CELF3: variants seen among roughly 807,000 people sequenced by gnomAD.
CELF3 encodes CAG repeat domain.
Under a neutral mutation model 59.6 loss-of-function variants are expected in CELF3, and 26 were observed. The observed-to-expected ratio is 0.44, with a 90% CI of 0.32 to 0.61. The LOEUF (loss-of-function observed/expected upper bound fraction) is 0.61, where lower values mean the gene tolerates loss of function less well. Ranked by LOEUF, CELF3 falls within the 20% of genes least tolerant of loss-of-function variation. The pLI is 0.06. For missense variants in CELF3, 387 were observed against 627.2 expected, an observed-to-expected ratio of 0.62 and a Z score of 4.09; for synonymous variants, 245 against 250.7, an observed-to-expected ratio of 0.98 and a Z score of 0.22.
chr1:151,703,780 G>C (rs1672276109), intron 12 of CELF3, among the ~76,000 whole-genome samples: 1 of 145,386 alleles, frequency 6.9e-6, no homozygotes, highest in South Asian at 2.1e-4. Context: ...GAAATCGAGA[G>C]AGAGACAGAG....
At position 151,700,770 on chromosome 1, in the gene CELF3, A is replaced by G. The variant is rs747800686; in HGVS notation, c.*2689T>C. ...ACCATTGAGTTTATGCGAAAGTACT[A>G]AAAACTCTTGAGGTTTTCTGTCTAT... On this transcript the variant is annotated 3_prime_UTR_variant, in exon 13 of 13. Coordinates refer to ENST00000290583, the MANE Select transcript of CELF3 (RefSeq NM_007185.7). Among the ~76,000 whole-genome samples the G allele has an allele frequency of 4.6e-5, 7 of 152,246 alleles. No homozygotes were observed. The highest frequency in any genetic ancestry group is 1.0e-4 in the Non-Finnish European group (7 of 68,038).
intron 2 of CELF3, among the ~76,000 whole-genome samples, chr1:151,712,940 A>C (rs558339138): frequency 2.6e-4 from 39 of 152,098 alleles, no homozygotes; most frequent in Admixed American, 5.2e-4. Context: ...CACACACTGC[A>C]TGCACACACA....
In CELF3 at chr1:151,701,660, T is replaced by C. The variant is rs190619283; in HGVS notation, c.*1799A>G. On this transcript the variant is annotated 3_prime_UTR_variant, in exon 13 of 13. Coordinates refer to ENST00000290583, the MANE Select transcript of CELF3 (RefSeq NM_007185.7). ...TGGGCGTGGTGGCTCATGCCTGTAATCTGAGCACTTCGGGAGGCCAAGGCA... is the reference window on the plus strand; with the variant it reads ...TGGGCGTGGTGGCTCATGCCTGTAACCTGAGCACTTCGGGAGGCCAAGGCA... Among the ~76,000 whole-genome samples the C allele has an allele frequency of 1.8e-3, 280 of 151,980 alleles. 1 individual carries two copies. The highest frequency in any genetic ancestry group is 6.5e-3 in the African/African-American group (269 of 41,450).
At chr1:151,711,647 C>T (rs1269508727) in intron 2 of CELF3, among the ~76,000 whole-genome samples, 2 of 152,232 alleles carry the variant, frequency 1.3e-5, no homozygotes, top group African/African-American at 4.8e-5. Flanking sequence ...GCTCAGGGTG[C>T]ATGGGCTTTC....
rs1672860543 is a variant in CELF3 at position 151,709,730 on chromosome 1, G to A, written c.277+13C>T. ...GGGAGGAGAGGGACAGAGTCCAAAG[G>A]CACAGAACCTACCTCCTCGGCTCTC... On this transcript the variant is annotated intron_variant, in intron 3 of 12. Transcript: ENST00000290583. The surrounding 1 kb of genome is among the most constrained non-coding windows in gnomAD (Gnocchi z 4.9). 6.2e-7 allele frequency: 1 copy of A among 1,613,632 alleles called. No individual in the cohort carries two copies. The highest frequency in any genetic ancestry group is 1.3e-5 in the African/African-American group (1 of 74,908).
At chr1:151,703,704 C>A (rs1357443972) in intron 12 of CELF3, among the ~76,000 whole-genome samples, 2 of 151,868 alleles carry the variant, frequency 1.3e-5, no homozygotes, top group Non-Finnish European at 2.9e-5. Flanking sequence ...AAATAGATAG[C>A]CCATGAGAAA....
intron 2 of CELF3, among the ~76,000 whole-genome samples, chr1:151,711,624 C>A (rs576067366): frequency 1.3e-5 from 2 of 152,230 alleles, no homozygotes; most frequent in African/African-American, 4.8e-5. Flanking sequence ...CAAAGCGTGT[C>A]GTGGGGGCAG....
intron 1 of CELF3, chr1:151,715,588 T>C (rs1413519849): frequency 7.1e-7 from 1 of 1,401,886 alleles, no homozygotes; most frequent in Non-Finnish European, 9.4e-7. Context: ...CCTCCATTCT[T>C]TCTTGAGTTC....
Position 151,705,804 on chromosome 1 carries a change from G to C in CELF3, c.1270+18C>G. On this transcript the variant is annotated intron_variant, in intron 11 of 12. Transcript: ENST00000290583. The surrounding 1 kb of genome is among the most constrained non-coding windows in gnomAD (Gnocchi z 5.1). Reference sequence around the variant, plus strand: ...TGATTTGGAGTATGGCAAAAAATGTGCCATATCATATTCTTACCAAAACAT... The same window carrying C: ...TGATTTGGAGTATGGCAAAAAATGTCCCATATCATATTCTTACCAAAACAT... The C allele has an allele frequency of 6.2e-7, 1 of 1,612,980 alleles. No individual in the cohort carries two copies. The highest frequency in any genetic ancestry group is 1.7e-4 in the Middle Eastern group (1 of 6,056).
chr1:151,715,720 G>C (rs1418366900), intron 1 of CELF3, 156 bp downstream of exon 1: 6 of 1,570,590 alleles, frequency 3.8e-6, no homozygotes, highest in Non-Finnish European at 5.1e-6. Context: ...CACTCTAGCT[G>C]AGTTCTTTTT....
At chr1:151,708,096 A>G (rs1672726423) in intron 5 of CELF3, 161 bp from the exon 6 acceptor site, 2 of 707,096 alleles carry the variant, frequency 2.8e-6, no homozygotes, top group Non-Finnish European at 4.5e-6. Flanking sequence ...TATTAATCCC[A>G]CTCTCTCCCT....
chr1:151,707,399 T>C, intron 7 of CELF3, 105 bp from the exon 8 acceptor site: 1 of 1,541,122 alleles, frequency 6.5e-7, no homozygotes, highest in African/African-American at 1.4e-5. Context: ...CAGGCCTCTC[T>C]GACCCCTGAG....
intron 2 of CELF3, among the ~76,000 whole-genome samples, chr1:151,712,863 C>G (rs1484270031): frequency 6.6e-6 from 1 of 152,064 alleles, no homozygotes; most frequent in Non-Finnish European, 1.5e-5. Context: ...GTAGGAAGAA[C>G]AGTTATGCAG....
At chr1:151,710,876 T>C (rs1364532853) in intron 2 of CELF3, 2 of 456,050 alleles carry the variant, frequency 4.4e-6, no homozygotes, top group South Asian at 1.5e-5. Context: ...GGGAGTATTA[T>C]AGGAACTGGA....
At position 151,706,348 on chromosome 1, in the gene CELF3, T is replaced by C. The variant is rs1488707326; in HGVS notation, c.1002A>G (p.Ala334=). 6.5e-7 allele frequency: 1 copy of C among 1,549,938 alleles called. No homozygotes were observed. Among genetic ancestry groups the C allele is most frequent in the African/African-American group, 1.4e-5 (1 of 72,994 alleles). Reference sequence around the variant, plus strand: ...ACGCAGGTGCAACCAGGCTGTAGGCTGCTGGGTAGGCTGCTGGGGTGGGGA... The same window carrying C: ...ACGCAGGTGCAACCAGGCTGTAGGCCGCTGGGTAGGCTGCTGGGGTGGGGA... ...GMQHYTAAYP[A]AYSLVAPAFP... The change falls in exon 10 of 13, where the codon GCA becomes GCG. Residue 334 remains alanine, a synonymous_variant. Coordinates refer to ENST00000290583, the MANE Select transcript of CELF3 (RefSeq NM_007185.7).
chr1:151,710,417 C>T (rs1003127177), intron 2 of CELF3: 21 of 296,732 alleles, frequency 7.1e-5, no homozygotes, highest in African/African-American at 4.0e-4. Flanking sequence ...GTCGCCCTGG[C>T]GACCGTGGTG....
Position 151,709,985 on chromosome 1 carries a change from G to A in CELF3, c.229-194C>T. 1 of 618,542 alleles carries A rather than the reference G, an allele frequency of 1.6e-6. No homozygotes were observed. The allele number at this position is 618,542 out of a possible 1,614,324, so 38.3% of individuals were successfully genotyped here. ...GATCAGAGGCACAGAGAGAGAGGATGTAGAGGGAGAGGCTCATGGGCACAG... is the reference window on the plus strand; with the variant it reads ...GATCAGAGGCACAGAGAGAGAGGATATAGAGGGAGAGGCTCATGGGCACAG... On this transcript the variant is annotated intron_variant, in intron 2 of 12. Coordinates refer to ENST00000290583, the MANE Select transcript of CELF3 (RefSeq NM_007185.7). The surrounding 1 kb of genome is among the most constrained non-coding windows in gnomAD (Gnocchi z 4.9).
At chr1:151,711,521 A>G (rs1460547276) in intron 2 of CELF3, 1 of 151,142 alleles carries the variant, frequency 6.6e-6, no homozygotes, top group East Asian at 2.0e-4. Context: ...CCTCCAGCCA[A>G]TCTGCCCCCA....
In CELF3 at chr1:151,701,862, GCAGTGAGCTATGATCT is replaced by G. The variant is rs552446475; in HGVS notation, c.*1581_*1596del. ...TCCCCTGAACCAGGAGTTCAAGGTT[GCAGTGAGCTATGATCT>G]CACCATCACACTCCAGCTTGAGTGA... On this transcript the variant is annotated 3_prime_UTR_variant, in exon 13 of 13. Transcript: ENST00000290583. Among the ~76,000 whole-genome samples the G allele has an allele frequency of 2.6e-5, 4 of 152,322 alleles. No homozygotes were observed. In the South Asian group the frequency reaches 8.3e-4, roughly 32 times the overall value.
Sources: gnomAD v4.1 joint callset for allele counts (sites outside exome capture counted in the v4.1 genomes callset) on GRCh38, gnomAD v4.1.1 for gene constraint, Gnocchi (gnomAD v3.1) non-coding constraint, MANE v1.5 for transcripts, NCBI Gene and HGNC (gene_info 2026-07-23, HGNC 2026-07-21) for gene names.